The following CBFB variants were observed in gnomAD, a reference collection of about 807,000 sequenced individuals.
CBFB encodes the protein core-binding factor subunit beta.
A neutral mutation model predicts 30.4 loss-of-function variants in CBFB; 9 were observed. The ratio of observed to expected loss-of-function variants is 0.30; its 90% confidence interval spans 0.18 to 0.52. The LOEUF is 0.52. CBFB is among the 20% of genes least tolerant of loss of function. CBFB has a pLI of 0.97. For missense variants in CBFB, 170 were observed against 244.0 expected (o/e 0.70, Z 2.02); for synonymous variants, 94 against 84.0 (o/e 1.12, Z -0.65).
intron 4 of CBFB, among the ~76,000 whole-genome samples, chr16:67,080,847 A>C (rs187558840): frequency 6.6e-6 from 1 of 152,152 alleles, no homozygotes; most frequent in South Asian, 2.1e-4. Flanking sequence ...TATTTTGATG[A>C]GTAGGATTAA....
intron 2 of CBFB, chr16:67,030,060 A>C (rs1307508094): frequency 2.3e-6 from 1 of 427,680 alleles, no homozygotes; most frequent in Non-Finnish European, 4.1e-6. Context: ...TGGAGCTCGA[A>C]CCCGAGCCAG....
In CBFB at chr16:67,088,362, CT is replaced by C. The variant is rs1484201758; in HGVS notation, c.495+6057del. 2.0e-5 allele frequency among the ~76,000 whole-genome samples: 3 copies of C among 152,218 alleles called. No individual in the cohort carries two copies. In the East Asian group the frequency reaches 5.8e-4, roughly 29 times the overall value. On this transcript the variant is annotated intron_variant, in intron 5 of 5. Coordinates refer to ENST00000412916, the MANE Select transcript of CBFB (RefSeq NM_022845.3). ...GTTTCCCCTCTGTGATTCAGATTAT[CT>C]TTAGAGATTCAAACATCATCTAATC... is the stretch of plus-strand genomic sequence containing the variant.
Position 67,029,368 on chromosome 16 carries a change from C to A in CBFB, c.-40C>A. ...GCCAGCCAGCGGGTGCCCGCGCAAGCCCCGAGCGCGGCCGGCCGGCGCGGC... is the reference window on the plus strand; with the variant it reads ...GCCAGCCAGCGGGTGCCCGCGCAAGACCCGAGCGCGGCCGGCCGGCGCGGC... On this transcript the variant is annotated 5_prime_UTR_variant, in exon 1 of 6. Transcript: ENST00000412916. 1 of 1,442,098 alleles carries A rather than the reference C, an allele frequency of 6.9e-7. No homozygotes were observed. The highest frequency in any genetic ancestry group is 9.2e-7 in the Non-Finnish European group (1 of 1,084,756). 89.3% of individuals were successfully genotyped at this position (1,442,098 alleles called of 1,614,324 possible). A position where few individuals can be genotyped will look rare whatever the true frequency, so the allele number is the denominator to read the frequency against.
At chr16:67,048,266 C>T (rs540214498) in intron 3 of CBFB, among the ~76,000 whole-genome samples, 1 of 151,822 alleles carries the variant, frequency 6.6e-6, no homozygotes, top group Non-Finnish European at 1.5e-5. Context: ...ACAAAAAAAA[C>T]CCCTAAAACA....
rs1470053254 is a variant in CBFB, at chr16:67,029,175, C to A, written c.-233C>A. ...GTGAGCGCTGGGGCTGCGCGGGCGG[C>A]AGGCAACGGCTGAGGCGGCGGCGGC... On this transcript the variant is annotated 5_prime_UTR_variant, in exon 1 of 6. Coordinates refer to ENST00000412916, the MANE Select transcript of CBFB (RefSeq NM_022845.3). 6 of 179,304 alleles carry A rather than the reference C, an allele frequency of 3.3e-5. No individual in the cohort carries two copies. The highest frequency in any genetic ancestry group is 6.5e-5 in the Non-Finnish European group (6 of 91,788). The allele number at this position is 179,304 out of a possible 1,614,324, so 11.1% of individuals were successfully genotyped here.
chr16:67,052,517 A>G (rs1960584397), intron 3 of CBFB, among the ~76,000 whole-genome samples: 1 of 151,076 alleles, frequency 6.6e-6, no homozygotes, highest in Non-Finnish European at 1.5e-5. Flanking sequence ...TCAAGGCTGT[A>G]GTGAGCTGTG....
chr16:67,082,435 G>A, intron 5 of CBFB, 127 bp downstream of exon 5: 1 of 1,163,240 alleles, frequency 8.6e-7, no homozygotes, highest in South Asian at 2.1e-5. Flanking sequence ...TTAAAAAGTT[G>A]TACTCTCTGG....
intron 3 of CBFB, among the ~76,000 whole-genome samples, chr16:67,039,855 G>A (rs1419905524): frequency 6.6e-6 from 1 of 152,096 alleles, no homozygotes; most frequent in East Asian, 1.9e-4. Context: ...AATTGAGTGT[G>A]GCTGTGTTCC....
Position 67,090,253 on chromosome 16 carries a change from T to A in CBFB, c.495+7945T>A, listed in dbSNP as rs75335363. Among the ~76,000 whole-genome samples the A allele has an allele frequency of 3.5e-3, 535 of 152,294 alleles. 3 individuals are homozygous for A. Among genetic ancestry groups the A allele is most frequent in the African/African-American group, 0.012 (516 of 41,554 alleles). ...CGCTTTGTGAAAATTCTTCATTACA[T>A]ACTTAACAATTTGGGCACTATTCTG... is the stretch of plus-strand genomic sequence containing the variant. On this transcript the variant is annotated intron_variant, in intron 5 of 5. Transcript: ENST00000412916.
At chr16:67,034,073 CT>C (rs993082340) in intron 2 of CBFB, among the ~76,000 whole-genome samples, 3 of 152,080 alleles carry the variant, frequency 2.0e-5, no homozygotes, top group African/African-American at 7.2e-5. Flanking sequence ...CGTGATCTGC[CT>C]GTGTTGGCCT....
chr16:67,036,570 TAA>T (rs1172356788), intron 2 of CBFB, 67 bp from the exon 3 acceptor site: 1 of 890,578 alleles, frequency 1.1e-6, no homozygotes, highest in East Asian at 2.4e-5. Flanking sequence ...GATGTAAAAA[TAA>T]ATGACTGCTT....
Position 67,029,795 on chromosome 16 carries a change from C to G in CBFB, c.147C>G (p.Arg49=). Residue 49 remains arginine, a synonymous_variant, in exon 2 of 6, where the codon CGC becomes CGG. Coordinates refer to ENST00000412916, the MANE Select transcript of CBFB (RefSeq NM_022845.3). Reference sequence around the variant, plus strand: ...AGGCACGCTTCCAGAACGCCTGCCGCGACGGCCGCTCGGAAATCGTAAGTC... The same window carrying G: ...AGGCACGCTTCCAGAACGCCTGCCGGGACGGCCGCTCGGAAATCGTAAGTC... ...ERQARFQNAC[R]DGRSEIAFVA... is the part of the protein sequence containing the mutation. The G allele has an allele frequency of 6.3e-7, 1 of 1,587,866 alleles. No individual in the cohort carries two copies. Among genetic ancestry groups the G allele is most frequent in the Non-Finnish European group, 8.6e-7 (1 of 1,169,350 alleles).
chr16:67,094,742 C>T (rs912742987), intron 5 of CBFB, among the ~76,000 whole-genome samples: 1 of 152,186 alleles, frequency 6.6e-6, no homozygotes, highest in African/African-American at 2.4e-5. Context: ...CCTTACACTG[C>T]ATTTAGCATT....
At chr16:67,084,165 CAAAAAAAA>C (rs368748767) in intron 5 of CBFB, among the ~76,000 whole-genome samples, 6 of 54,328 alleles carry the variant, frequency 1.1e-4, no homozygotes, top group African/African-American at 1.5e-4. Flanking sequence ...GACCCTACCT[CAAAAAAAA>C]AAAAAAAAAA....
intron 4 of CBFB, among the ~76,000 whole-genome samples, chr16:67,069,965 A>G (rs1567616976): frequency 6.6e-6 from 1 of 152,200 alleles, no homozygotes; most frequent in Non-Finnish European, 1.5e-5. Flanking sequence ...CTCAAGCCTA[A>G]GTGACAGAGT....
intron 3 of CBFB, among the ~76,000 whole-genome samples, chr16:67,061,729 T>C (rs1960916380): frequency 6.6e-6 from 1 of 152,096 alleles, no homozygotes; most frequent in Non-Finnish European, 1.5e-5. Flanking sequence ...TAGTCTTGAT[T>C]AAAAATTGTC....
chr16:67,084,379 A>G (rs758393218), intron 5 of CBFB, among the ~76,000 whole-genome samples: 7 of 152,146 alleles, frequency 4.6e-5, no homozygotes, highest in Non-Finnish European at 8.8e-5. Flanking sequence ...ATTATAATAT[A>G]TCAACTAAAC....
intron 5 of CBFB, among the ~76,000 whole-genome samples, chr16:67,095,301 G>A (rs1401073526): frequency 2.7e-5 from 4 of 149,832 alleles, no homozygotes; most frequent in Non-Finnish European, 3.0e-5. Context: ...GGCTGATCAC[G>A]AGGTCAGGAG....
chr16:67,070,146 A>G (rs977497134), intron 4 of CBFB, among the ~76,000 whole-genome samples: 2 of 152,278 alleles, frequency 1.3e-5, no homozygotes, highest in Non-Finnish European at 2.9e-5. Flanking sequence ...AGTTCTTTAT[A>G]TATGGAAATG....
Sources: allele counts gnomAD v4.1 joint callset (sites outside exome capture counted in the v4.1 genomes callset), GRCh38; gene constraint gnomAD v4.1.1; transcripts MANE v1.5; gene names NCBI Gene and HGNC (gene_info 2026-07-23, HGNC 2026-07-21).